RIPOR2: variants seen among roughly 807,000 people sequenced by gnomAD.
The protein encoded by RIPOR2 is RHO family interacting cell polarization regulator 2.
Under a neutral mutation model 114.5 loss-of-function variants are expected in RIPOR2, and 39 were observed. That is an observed-to-expected ratio of 0.34 (90% CI 0.26 to 0.44). The LOEUF (loss-of-function observed/expected upper bound fraction) is 0.44, where lower values mean the gene tolerates loss of function less well. RIPOR2 is among the 20% of genes least tolerant of loss of function. The pLI is 1.00. For synonymous variants in RIPOR2, 445 were observed against 484.4 expected (o/e 0.92, Z 1.07); for missense variants, 1,007 against 1,255.1 (o/e 0.80, Z 2.99).
intron 1 of RIPOR2, among the ~76,000 whole-genome samples, chr6:24,927,715 C>T (rs939274524): frequency 2.0e-5 from 3 of 152,220 alleles, no homozygotes; most frequent in Non-Finnish European, 2.9e-5. Flanking sequence ...CTACTACCAT[C>T]ACCTTTATTA....
chr6:25,015,920 T>TTTC (rs1775967484), intron 1 of RIPOR2: 1 of 143,724 alleles, frequency 7.0e-6, no homozygotes, highest in Non-Finnish European at 1.5e-5. Context: ...TTTTTTTTTT[T>TTTC]TTTTAAGGAG....
At chr6:24,843,853 A>ACGG in intron 12 of RIPOR2, among the ~76,000 whole-genome samples, 1 of 151,926 alleles carries the variant, frequency 6.6e-6, no homozygotes, top group Non-Finnish European at 1.5e-5. Context: ...AAAAGGTTGC[A>ACGG]TGGGGGGAGG....
At chr6:24,901,548 G>C (rs1038964629) in intron 1 of RIPOR2, among the ~76,000 whole-genome samples, 1 of 152,118 alleles carries the variant, frequency 6.6e-6, no homozygotes, top group African/African-American at 2.4e-5. Context: ...TTTTTGGAAT[G>C]TCATGGGAGC....
intron 2 of RIPOR2, among the ~76,000 whole-genome samples, chr6:24,874,910 G>T (rs1258953256): frequency 1.3e-5 from 2 of 152,156 alleles, no homozygotes; most frequent in Non-Finnish European, 2.9e-5. Context: ...TAGTGCCAGG[G>T]ATACAGCTTG....
At chr6:24,993,188 C>T (rs1481099482) in intron 1 of RIPOR2, among the ~76,000 whole-genome samples, 1 of 152,148 alleles carries the variant, frequency 6.6e-6, no homozygotes, top group Non-Finnish European at 1.5e-5. Flanking sequence ...AAACCACCTC[C>T]TAGATTCATT....
intron 1 of RIPOR2, among the ~76,000 whole-genome samples, chr6:24,941,121 G>A (rs1772110528): frequency 6.6e-6 from 1 of 152,118 alleles, no homozygotes; most frequent in South Asian, 2.1e-4. Flanking sequence ...GGCTGCAGGA[G>A]CCACACTTAG....
chr6:24,828,349 T>C, intron 17 of RIPOR2, 54 bp from the exon 18 acceptor site: 1 of 1,273,192 alleles, frequency 7.9e-7, no homozygotes, highest in Non-Finnish European at 1.0e-6. Context: ...CATTCATTCA[T>C]TCATTCATTC....
chr6:24,976,740 A>C, intron 1 of RIPOR2: 1 of 1,611,112 alleles, frequency 6.2e-7, no homozygotes, highest in Non-Finnish European at 8.5e-7. Context: ...TTTGAAGATG[A>C]GAACTTCATC....
At chr6:24,840,796 G>A (rs1406859609) in intron 13 of RIPOR2, 3 of 1,534,570 alleles carry the variant, frequency 2.0e-6, no homozygotes, top group Admixed American at 2.0e-5. Flanking sequence ...GAAGGAGGGA[G>A]AAAAGAGAAA....
intron 1 of RIPOR2, among the ~76,000 whole-genome samples, chr6:24,878,148 G>A (rs1340610322): frequency 2.6e-5 from 4 of 152,196 alleles, no homozygotes; most frequent in Admixed American, 6.5e-5. Context: ...AGACCTGAAC[G>A]TACTGACATA....
intron 1 of RIPOR2, among the ~76,000 whole-genome samples, chr6:25,022,687 A>G (rs1387112750): frequency 6.6e-6 from 1 of 151,246 alleles, no homozygotes; most frequent in Non-Finnish European, 1.5e-5. Context: ...GCTAGACTAC[A>G]GGTGTGTGCC....
chr6:24,992,693 C>G (rs1231286715), intron 1 of RIPOR2, among the ~76,000 whole-genome samples: 5 of 152,164 alleles, frequency 3.3e-5, no homozygotes, highest in African/African-American at 4.8e-5. Context: ...CAATAACATT[C>G]TTCACAGAAC....
In RIPOR2 at chr6:24,842,997, G is replaced by T; in HGVS notation, c.1722C>A (p.Gly574=). ...AGCTTCCATCTAGAAAGGATCTGCA[G>T]CCTTCAGATTCTCCACCAACAGAAC... ...SEGSVGGESE[G]CRSFLDGSLE... The change falls in exon 13 of 22, where the codon GGC becomes GGA. Residue 574 remains glycine, a synonymous_variant. Transcript: ENST00000643898. 3.1e-6 allele frequency: 5 copies of T among 1,589,706 alleles called. No individual in the cohort carries two copies. The East Asian group carries it at 1.1e-4, about 36-fold the overall frequency.
At chr6:24,990,039 AAAAAAAAT>A in intron 1 of RIPOR2, among the ~76,000 whole-genome samples, 1 of 144,034 alleles carries the variant, frequency 6.9e-6, no homozygotes, top group African/African-American at 2.5e-5. Context: ...AATAAAAATA[AAAAAAAAT>A]AAAAAAATAC....
chr6:25,019,827 A>G (rs1399714487), intron 1 of RIPOR2, among the ~76,000 whole-genome samples: 2 of 151,068 alleles, frequency 1.3e-5, no homozygotes, highest in African/African-American at 4.8e-5. Context: ...AGAAAAAAGA[A>G]AAAGATGTCA....
At chr6:24,967,712 T>C (rs1007430096) in intron 1 of RIPOR2, among the ~76,000 whole-genome samples, 3 of 152,170 alleles carry the variant, frequency 2.0e-5, no homozygotes, top group African/African-American at 7.2e-5. Flanking sequence ...TGTGTAATAA[T>C]ACATGATCTA....
intron 1 of RIPOR2, among the ~76,000 whole-genome samples, chr6:24,882,089 C>T (rs998860324): frequency 2.0e-5 from 3 of 152,192 alleles, no homozygotes; most frequent in Non-Finnish European, 4.4e-5. Flanking sequence ...GCCCATGCAG[C>T]AGGCCCTAAA....
At chr6:24,860,617 G>A (rs532572664) in intron 8 of RIPOR2, among the ~76,000 whole-genome samples, 1 of 152,264 alleles carries the variant, frequency 6.6e-6, no homozygotes, top group East Asian at 1.9e-4. Context: ...GACATATCTG[G>A]GTTTTATTTC....
chr6:24,852,243 C>A (rs909324568), intron 9 of RIPOR2, among the ~76,000 whole-genome samples: 4 of 151,940 alleles, frequency 2.6e-5, no homozygotes, highest in Non-Finnish European at 4.4e-5. Flanking sequence ...GCCTGGGCAA[C>A]AGAGCGAGAC....
Sources: allele counts gnomAD v4.1 joint callset (sites outside exome capture counted in the v4.1 genomes callset), GRCh38; gene constraint gnomAD v4.1.1; transcripts MANE v1.5; gene names NCBI Gene and HGNC (gene_info 2026-07-23, HGNC 2026-07-21).